LGSN: variants seen among roughly 807,000 people sequenced by gnomAD.
LGSN encodes lengsin.
In LGSN, 21 loss-of-function variants were observed where a neutral mutation model predicts 19.5. The ratio of observed to expected loss-of-function variants is 1.07; its 90% CI spans 0.76 to 1.55. LGSN has a LOEUF of 1.55. Among genes scored for constraint, LGSN ranks in the 40% most tolerant of loss-of-function variants. The pLI, the probability that LGSN is intolerant of heterozygous loss-of-function variation, is 0.00. For missense variants in LGSN, 673 were observed against 608.5 expected (o/e 1.11, Z -1.12); for synonymous variants, 257 against 215.6 (o/e 1.19, Z -1.68).
intron 1 of LGSN, among the ~76,000 whole-genome samples, chr6:63,312,397 T>C (rs1295458593): frequency 2.0e-5 from 3 of 152,198 alleles, no homozygotes; most frequent in Non-Finnish European, 4.4e-5. Flanking sequence ...GAAAGTAGAA[T>C]CCTTATTAAA....
chr6:63,476,194 A>G, the LGSN span, among the ~76,000 whole-genome samples: 1 of 152,146 alleles, frequency 6.6e-6, no homozygotes, highest in African/African-American at 2.4e-5. Context: ...CACCTTGGTG[A>G]GATAGTGCTA....
At position 63,318,640 on chromosome 6, in the gene LGSN, A is replaced by G. The variant is rs143426151; in HGVS notation, c.30+1274T>C. On this transcript the variant is annotated intron_variant, in intron 1 of 3. Coordinates refer to ENST00000370657, the MANE Select transcript of LGSN (RefSeq NM_016571.3). ...GTGCAGTTTAAAAATCATATTGTTC[A>G]TTTTTCTGCTCTCCTAAGAGTAAAC... 2.9e-3 allele frequency among the ~76,000 whole-genome samples: 445 copies of G among 152,064 alleles called. 3 individuals carry two copies. The highest frequency in any genetic ancestry group is 0.01 in the African/African-American group (421 of 41,450).
chr6:63,368,954 T>C, the LGSN span, among the ~76,000 whole-genome samples: 4 of 152,254 alleles, frequency 2.6e-5, no homozygotes, highest in African/African-American at 7.2e-5. Flanking sequence ...AACACAATGA[T>C]GACTACCTTC....
chr6:63,351,399 GTGTGTGTC>G, the LGSN span, among the ~76,000 whole-genome samples: 437 of 151,652 alleles, frequency 2.9e-3, 2 homozygotes, highest in African/African-American at 1.0e-2. Context: ...ATGTGTGTCT[GTGTGTGTC>G]TGTGTGTGTG....
At chr6:63,530,496 C>T in the LGSN span, among the ~76,000 whole-genome samples, 1 of 152,146 alleles carries the variant, frequency 6.6e-6, no homozygotes, top group Non-Finnish European at 1.5e-5. Flanking sequence ...CTGCCTCATA[C>T]AGTCACACAG....
chr6:63,352,499 A>G, the LGSN span, among the ~76,000 whole-genome samples: 5 of 152,086 alleles, frequency 3.3e-5, no homozygotes, highest in Non-Finnish European at 7.4e-5. Flanking sequence ...CATCTCTACA[A>G]AAAATACGAA....
At chr6:63,556,866 C>G in the LGSN span, among the ~76,000 whole-genome samples, 3 of 152,202 alleles carry the variant, frequency 2.0e-5, no homozygotes, top group Non-Finnish European at 2.9e-5. Flanking sequence ...TTAGGTGATA[C>G]TATCCAAGAT....
At chr6:63,449,422 G>A in the LGSN span, among the ~76,000 whole-genome samples, 89 of 151,992 alleles carry the variant, frequency 5.9e-4, no homozygotes, top group African/African-American at 2.1e-3. Flanking sequence ...GTGGGTGCCT[G>A]TAGTCCCAGC....
At chr6:63,486,168 T>G in the LGSN span, among the ~76,000 whole-genome samples, 7 of 152,208 alleles carry the variant, frequency 4.6e-5, no homozygotes, top group Admixed American at 1.3e-4. Flanking sequence ...CTTAAGACAT[T>G]TATGAGTTTT....
the LGSN span, among the ~76,000 whole-genome samples, chr6:63,339,894 T>C: frequency 6.6e-6 from 1 of 152,146 alleles, no homozygotes; most frequent in Admixed American, 6.5e-5. Context: ...CAGATAGCAT[T>C]TATTTGCTTC....
chr6:63,310,973 G>T (rs1238534351), intron 1 of LGSN, among the ~76,000 whole-genome samples: 1 of 152,072 alleles, frequency 6.6e-6, no homozygotes, highest in East Asian at 1.9e-4. Flanking sequence ...CTCATTCTTT[G>T]GCCCTCTAGA....
the LGSN span, among the ~76,000 whole-genome samples, chr6:63,413,888 G>GTA: frequency 6.6e-6 from 1 of 152,050 alleles, no homozygotes; most frequent in African/African-American, 2.4e-5. Flanking sequence ...GCTTTCATGT[G>GTA]TATATATATA....
At chr6:63,417,367 T>C in the LGSN span, among the ~76,000 whole-genome samples, 1 of 152,132 alleles carries the variant, frequency 6.6e-6, no homozygotes, top group Non-Finnish European at 1.5e-5. Flanking sequence ...GTTTCAGCTT[T>C]TCAGGGCCCT....
chr6:63,543,550 C>T, the LGSN span, among the ~76,000 whole-genome samples: 2 of 152,142 alleles, frequency 1.3e-5, no homozygotes, highest in African/African-American at 2.4e-5. Flanking sequence ...TGAATAAATG[C>T]ATCTATGTAT....
chr6:63,408,823 C>G, the LGSN span, among the ~76,000 whole-genome samples: 1 of 152,022 alleles, frequency 6.6e-6, no homozygotes, highest in Non-Finnish European at 1.5e-5. Flanking sequence ...TGAACTCCAA[C>G]AAATTTACAA....
intron 1 of LGSN, among the ~76,000 whole-genome samples, chr6:63,306,041 TGGG>T (rs1306141535): frequency 2.6e-5 from 4 of 152,162 alleles, no homozygotes; most frequent in African/African-American, 9.7e-5. Context: ...CACTCCAGCC[TGGG>T]CAACAGAGTG....
the LGSN span, among the ~76,000 whole-genome samples, chr6:63,358,868 T>A: frequency 6.6e-6 from 1 of 152,200 alleles, no homozygotes. Flanking sequence ...TCCAACACTA[T>A]GTTGAATAGG....
At chr6:63,424,139 G>C in the LGSN span, among the ~76,000 whole-genome samples, 1 of 152,014 alleles carries the variant, frequency 6.6e-6, no homozygotes, top group Non-Finnish European at 1.5e-5. Context: ...ATCAGAAATA[G>C]GGGATATCAC....
At chr6:63,495,456 C>CTTT in the LGSN span, among the ~76,000 whole-genome samples, 8 of 77,736 alleles carry the variant, frequency 1.0e-4, no homozygotes, top group Non-Finnish European at 1.4e-4. Flanking sequence ...TTTTCTTTTT[C>CTTT]TTTTTTTTTT....
Sources: gnomAD v4.1 joint callset for allele counts (sites outside exome capture counted in the v4.1 genomes callset) on GRCh38, gnomAD v4.1.1 for gene constraint, MANE v1.5 for transcripts, NCBI Gene and HGNC (gene_info 2026-07-23, HGNC 2026-07-21) for gene names.